Variants in TMC1 observed in about 807,000 individuals in gnomAD.
TMC1 encodes transmembrane channel-like protein 1.
Under a neutral mutation model 105.8 loss-of-function variants are expected in TMC1, and 84 were observed. That is an observed-to-expected ratio of 0.79 (90% confidence interval 0.67 to 0.95). The LOEUF (loss-of-function observed/expected upper bound fraction) is 0.95, where lower values mean the gene tolerates loss of function less well. Among genes scored for constraint, TMC1 ranks in the 40% least tolerant of loss-of-function variants. The probability of loss-of-function intolerance (pLI) is 0.00; values close to 1 mark genes in which losing one functional copy is unlikely to be tolerated. For missense variants in TMC1, 817 were observed against 914.1 expected, an observed-to-expected ratio of 0.89 and a Z score of 1.37; for synonymous variants, 315 against 311.5, an observed-to-expected ratio of 1.01 and a Z score of -0.12.
chr9:72,747,883 C>T (rs946470811), intron 10 of TMC1, among the ~76,000 whole-genome samples: 6 of 151,934 alleles, frequency 3.9e-5, no homozygotes, highest in African/African-American at 1.2e-4. Flanking sequence ...AGTGAGCCAC[C>T]GTGCCTGGCT....
At chr9:72,719,350 C>G (rs1383819456) in intron 8 of TMC1, among the ~76,000 whole-genome samples, 1 of 152,192 alleles carries the variant, frequency 6.6e-6, no homozygotes, top group Non-Finnish European at 1.5e-5. Flanking sequence ...ACCCGGAGAA[C>G]CCACATGGCT....
intron 8 of TMC1, among the ~76,000 whole-genome samples, chr9:72,709,103 T>G (rs1826793252): frequency 6.6e-6 from 1 of 152,174 alleles, no homozygotes; most frequent in African/African-American, 2.4e-5. Flanking sequence ...CCTCTCTTGC[T>G]GCATCTATTG....
intron 2 of TMC1, among the ~76,000 whole-genome samples, chr9:72,594,144 A>G (rs1258157431): frequency 2.0e-5 from 3 of 152,314 alleles, no homozygotes; most frequent in East Asian, 1.9e-4. Flanking sequence ...AGAAAAATAT[A>G]TGAGTTTTAT....
intron 17 of TMC1, among the ~76,000 whole-genome samples, chr9:72,801,245 A>G (rs1828465297): frequency 6.6e-6 from 1 of 152,202 alleles, no homozygotes; most frequent in Non-Finnish European, 1.5e-5. Context: ...TCCTCTTTGA[A>G]GCTATATCCT....
chr9:72,775,760 A>G (rs562651441), intron 13 of TMC1, among the ~76,000 whole-genome samples: 9 of 152,318 alleles, frequency 5.9e-5, no homozygotes, highest in African/African-American at 1.9e-4. Context: ...AGAAGCATGG[A>G]GTCAGCTTCT....
intron 18 of TMC1, among the ~76,000 whole-genome samples, chr9:72,807,105 C>T (rs1828611015): frequency 6.6e-6 from 1 of 152,220 alleles, no homozygotes; most frequent in Non-Finnish European, 1.5e-5. Context: ...CCACCAAAAC[C>T]AGTCAGGCGT....
intron 7 of TMC1, 124 bp downstream of exon 7, chr9:72,694,838 A>G: frequency 2.4e-6 from 2 of 841,724 alleles, no homozygotes; most frequent in South Asian, 1.7e-5. Flanking sequence ...TAATCTGATG[A>G]TGCTATTTTA....
rs537751741 is a variant in TMC1, at chr9:72,766,717, A to G, written c.742-5696A>G. 2.0e-5 allele frequency among the ~76,000 whole-genome samples: 3 copies of G among 152,264 alleles called. No homozygotes were observed. The South Asian group carries it at 6.2e-4, about 32-fold the overall frequency. On this transcript the variant is annotated intron_variant, in intron 12 of 23. Transcript: ENST00000297784. ...GATCACTGTCTACAGTCCTTAACAC[A>G]ACTTGATTCCCTCTGCTGAAAATTA... is the stretch of plus-strand genomic sequence containing the variant.
intron 10 of TMC1, among the ~76,000 whole-genome samples, chr9:72,750,700 G>A (rs1827568321): frequency 1.3e-5 from 2 of 152,040 alleles, no homozygotes; most frequent in South Asian, 2.1e-4. Context: ...CCCTTCCTCT[G>A]GCCCTAATGC....
chr9:72,688,485 T>C (rs1177995355), intron 5 of TMC1, among the ~76,000 whole-genome samples: 2 of 152,142 alleles, frequency 1.3e-5, no homozygotes, highest in Non-Finnish European at 2.9e-5. Flanking sequence ...CTGTTATGTT[T>C]TGCAAATCCC....
intron 21 of TMC1, 103 bp downstream of exon 21, chr9:72,827,097 C>G (rs1828969689): frequency 1.4e-6 from 2 of 1,474,770 alleles, no homozygotes; most frequent in South Asian, 2.3e-5. Flanking sequence ...AAGGGTTCTG[C>G]TGTAACCTAT....
intron 11 of TMC1, among the ~76,000 whole-genome samples, chr9:72,753,002 G>A (rs1007062605): frequency 9.9e-5 from 15 of 152,258 alleles, no homozygotes; most frequent in Middle Eastern, 3.4e-3. Context: ...ACATGTAAAT[G>A]GAGTCACATA....
intron 5 of TMC1, among the ~76,000 whole-genome samples, chr9:72,681,804 G>A (rs1172515080): frequency 6.6e-6 from 1 of 152,132 alleles, no homozygotes. Flanking sequence ...CAGAGTTAGT[G>A]TCCTCTCTCT....
In TMC1 at chr9:72,650,872, T is replaced by TTATATATATATATATATATATA. The variant is rs71495328; in HGVS notation, c.16+2218_16+2219insTATATATATATATATATATATA. Among the ~76,000 whole-genome samples the TTATATATATATATATATATATA allele has an allele frequency of 2.9e-3, 351 of 119,502 alleles. 4 individuals carry two copies. The highest frequency in any genetic ancestry group is 4.6e-3 in the Non-Finnish European group (264 of 57,596). The allele number at this position is 119,502 out of a possible 152,430, so 78.4% of individuals were successfully genotyped here. ...GCTGCATGGTATTTCATGGTGTATTTTATATATATAGATATATAGATATAT... is the reference window on the plus strand; with the variant it reads ...GCTGCATGGTATTTCATGGTGTATTTTATATATATATATATATATATATATATATATAGATATATAGATATAT... On this transcript the variant is annotated intron_variant, in intron 5 of 23. Coordinates refer to ENST00000297784, the MANE Select transcript of TMC1 (RefSeq NM_138691.3).
intron 5 of TMC1, 55 bp downstream of exon 5, chr9:72,648,719 A>G: frequency 6.7e-7 from 1 of 1,491,262 alleles, no homozygotes; most frequent in Non-Finnish European, 9.4e-7. Context: ...GAGAGGTATA[A>G]AGGTATTTGA....
rs552053513 is a variant in TMC1 at position 72,831,142 on chromosome 9, T to TA, written c.2260+465dup. Reference sequence around the variant, plus strand: ...TCTAATCCATTAAACTTTCTTTTTTTAAAAACCTCTTTATTTTTTAAAGTA... The same window carrying TA: ...TCTAATCCATTAAACTTTCTTTTTTTAAAAAACCTCTTTATTTTTTAAAGTA... On this transcript the variant is annotated intron_variant, in intron 23 of 23. Coordinates refer to ENST00000297784, the MANE Select transcript of TMC1 (RefSeq NM_138691.3). 8.8e-4 allele frequency among the ~76,000 whole-genome samples: 134 copies of TA among 152,312 alleles called. 2 individuals carry two copies. In the East Asian group the frequency reaches 9.6e-3, roughly 11 times the overall value.
chr9:72,596,034 G>A (rs555822555), intron 2 of TMC1, among the ~76,000 whole-genome samples: 5 of 151,938 alleles, frequency 3.3e-5, no homozygotes, highest in East Asian at 1.9e-4. Context: ...ATGCCACCAC[G>A]CCCGGCTAAT....
At chr9:72,625,771 T>C (rs758300910) in intron 3 of TMC1, among the ~76,000 whole-genome samples, 7 of 151,130 alleles carry the variant, frequency 4.6e-5, no homozygotes, top group Non-Finnish European at 1.0e-4. Context: ...AATTCTAGGG[T>C]TGTATATTTT....
chr9:72,765,600 A>T (rs901012540), intron 12 of TMC1, among the ~76,000 whole-genome samples: 5 of 151,170 alleles, frequency 3.3e-5, no homozygotes, highest in Non-Finnish European at 4.4e-5. Flanking sequence ...GTTCATATTT[A>T]GGGAGAAAGG....
Sources: allele counts gnomAD v4.1 joint callset (sites outside exome capture counted in the v4.1 genomes callset), GRCh38; gene constraint gnomAD v4.1.1; transcripts MANE v1.5; gene names NCBI Gene and HGNC (gene_info 2026-07-23, HGNC 2026-07-21).